Variants in GRM8 observed in about 807,000 individuals in gnomAD.
GRM8 encodes the protein metabotropic glutamate receptor 8.
In GRM8, 47 loss-of-function variants were observed where a neutral mutation model predicts 87.2. The ratio of observed to expected loss-of-function variants is 0.54; its 90% CI spans 0.43 to 0.69. GRM8 has a LOEUF of 0.69. Among genes scored for constraint, GRM8 ranks in the 30% least tolerant of loss-of-function variants. The pLI, the probability that GRM8 is intolerant of heterozygous loss-of-function variation, is 0.00. For synonymous variants in GRM8, 396 were observed against 404.5 expected (o/e 0.98, Z 0.25); for missense variants, 1,019 against 1,139.2 (o/e 0.89, Z 1.52).
At chr7:127,115,572 TTAAAA>T (rs1200604985) in intron 2 of GRM8, among the ~76,000 whole-genome samples, 12 of 152,238 alleles carry the variant, frequency 7.9e-5, no homozygotes, top group Admixed American at 4.6e-4. Flanking sequence ...ACCTGTTTAC[TTAAAA>T]TAAAAGAGAA....
intron 2 of GRM8, among the ~76,000 whole-genome samples, chr7:127,120,883 A>T (rs984974905): frequency 6.6e-6 from 1 of 152,214 alleles, no homozygotes; most frequent in Non-Finnish European, 1.5e-5. Context: ...TTCTTGCATC[A>T]AATGCTAGCA....
chr7:127,121,902 C>A (rs777042874), intron 2 of GRM8, among the ~76,000 whole-genome samples: 3 of 152,128 alleles, frequency 2.0e-5, no homozygotes, highest in Non-Finnish European at 2.9e-5. Flanking sequence ...GGACACAGAG[C>A]CAAACCATAT....
intron 7 of GRM8, among the ~76,000 whole-genome samples, chr7:126,639,732 T>C (rs1802189632): frequency 6.6e-6 from 1 of 152,242 alleles, no homozygotes; most frequent in Non-Finnish European, 1.5e-5. Context: ...GGATTAATAC[T>C]GATCACGATT....
chr7:126,920,170 G>A (rs1166686375), intron 3 of GRM8, among the ~76,000 whole-genome samples: 2 of 152,160 alleles, frequency 1.3e-5, no homozygotes, highest in Admixed American at 6.6e-5. Context: ...TGAGAACACA[G>A]TGAGAAGGCC....
chr7:126,517,855 A>G (rs1234037204), intron 9 of GRM8, among the ~76,000 whole-genome samples: 2 of 152,220 alleles, frequency 1.3e-5, no homozygotes, highest in East Asian at 3.9e-4. Flanking sequence ...AACCAAAGGA[A>G]GAGAACTCGT....
chr7:126,847,112 T>C (rs1796772072), intron 6 of GRM8, among the ~76,000 whole-genome samples: 1 of 152,202 alleles, frequency 6.6e-6, no homozygotes, highest in South Asian at 2.1e-4. Flanking sequence ...CACAGTTCAG[T>C]TGACATTCAC....
At chr7:126,593,538 A>G (rs1796886007) in intron 8 of GRM8, among the ~76,000 whole-genome samples, 2 of 152,062 alleles carry the variant, frequency 1.3e-5, no homozygotes, top group South Asian at 4.1e-4. Flanking sequence ...GGAAAACTGG[A>G]TATCTACCAT....
intron 9 of GRM8, among the ~76,000 whole-genome samples, chr7:126,467,873 CAAT>C (rs1427027920): frequency 2.0e-5 from 3 of 151,936 alleles, no homozygotes; most frequent in Admixed American, 6.6e-5. Flanking sequence ...TTGTGATACT[CAAT>C]AAACTTCCAT....
intron 1 of GRM8, among the ~76,000 whole-genome samples, chr7:127,246,517 C>T (rs1337899856): frequency 6.6e-6 from 1 of 152,168 alleles, no homozygotes; most frequent in Non-Finnish European, 1.5e-5. Flanking sequence ...TCTGGGCCCA[C>T]AGGGAGAGGC....
chr7:126,514,024 T>C (rs1224661395), intron 9 of GRM8, among the ~76,000 whole-genome samples: 2 of 152,162 alleles, frequency 1.3e-5, no homozygotes, highest in Non-Finnish European at 2.9e-5. Flanking sequence ...TGTGCAATCA[T>C]GCATTTGTTC....
intron 7 of GRM8, among the ~76,000 whole-genome samples, chr7:126,707,288 G>A (rs1810624811): frequency 6.6e-6 from 1 of 152,062 alleles, no homozygotes; most frequent in Non-Finnish European, 1.5e-5. Flanking sequence ...CTATTATTGT[G>A]TACAAGTATT....
chr7:127,125,055 T>C (rs548646581), intron 2 of GRM8, among the ~76,000 whole-genome samples: 1 of 152,204 alleles, frequency 6.6e-6, no homozygotes, highest in African/African-American at 2.4e-5. Flanking sequence ...TCATACCTAG[T>C]GGTGAAAGGC....
At chr7:126,832,829 A>G (rs1176711422) in intron 6 of GRM8, among the ~76,000 whole-genome samples, 3 of 152,236 alleles carry the variant, frequency 2.0e-5, no homozygotes, top group Non-Finnish European at 4.4e-5. Flanking sequence ...CCAAGAATTA[A>G]AAGCTACAGC....
At chr7:126,893,431 A>T (rs905375606) in intron 6 of GRM8, among the ~76,000 whole-genome samples, 2 of 152,010 alleles carry the variant, frequency 1.3e-5, no homozygotes, top group African/African-American at 4.8e-5. Context: ...GCCCTTTTAT[A>T]ACTATGTTGA....
intron 2 of GRM8, among the ~76,000 whole-genome samples, chr7:127,142,313 G>GT: frequency 6.6e-6 from 1 of 152,066 alleles, no homozygotes; most frequent in Non-Finnish European, 1.5e-5. Context: ...CATGCAGTTG[G>GT]TTATGGTAAT....
At chr7:127,111,595 G>A (rs977032452) in intron 2 of GRM8, among the ~76,000 whole-genome samples, 2 of 152,188 alleles carry the variant, frequency 1.3e-5, no homozygotes, top group Non-Finnish European at 2.9e-5. Context: ...CCTAGCAATG[G>A]TGGAGCAAAA....
chr7:127,086,322 G>A (rs757827178), intron 3 of GRM8, among the ~76,000 whole-genome samples: 3 of 152,116 alleles, frequency 2.0e-5, no homozygotes, highest in Non-Finnish European at 2.9e-5. Context: ...GGATGGTCTC[G>A]ATCTCCTGAC....
At chr7:126,859,810 C>T (rs1378114317) in intron 6 of GRM8, among the ~76,000 whole-genome samples, 1 of 152,056 alleles carries the variant, frequency 6.6e-6, no homozygotes, top group Non-Finnish European at 1.5e-5. Context: ...ATGGTAAATC[C>T]TGGGTCATTG....
At chr7:127,151,384 T>A in intron 2 of GRM8, among the ~76,000 whole-genome samples, 1 of 152,114 alleles carries the variant, frequency 6.6e-6, no homozygotes. Context: ...ATCTCTTCCA[T>A]GGATCTTCCT....
Sources: gnomAD v4.1 joint callset for allele counts (sites outside exome capture counted in the v4.1 genomes callset) on GRCh38, gnomAD v4.1.1 for gene constraint, MANE v1.5 for transcripts, NCBI Gene and HGNC (gene_info 2026-07-23, HGNC 2026-07-21) for gene names.